The following PTPRT variants were observed in gnomAD, a reference collection of about 807,000 sequenced individuals.
PTPRT encodes receptor-type tyrosine-protein phosphatase T.
A neutral mutation model predicts 176.8 loss-of-function variants in PTPRT; 56 were observed. The observed-to-expected ratio is 0.32, with a 90% CI of 0.26 to 0.40. The LOEUF (loss-of-function observed/expected upper bound fraction) is 0.40. Ranked by LOEUF, PTPRT falls within the 10% of genes least tolerant of loss-of-function variation. The pLI, the probability that PTPRT is intolerant of heterozygous loss-of-function variation, is 1.00. For synonymous variants in PTPRT, 783 were observed against 739.0 expected, an observed-to-expected ratio of 1.06 and a Z score of -0.96; for missense variants, 1,540 against 1,908.2, an observed-to-expected ratio of 0.81 and a Z score of 3.60.
At chr20:43,081,124 G>A (rs1326600271) in intron 1 of PTPRT, among the ~76,000 whole-genome samples, 1 of 152,214 alleles carries the variant, frequency 6.6e-6, no homozygotes, top group South Asian at 2.1e-4. Flanking sequence ...TTTTGATACT[G>A]AGGATATAAA....
chr20:43,150,982 A>G (rs758506571), intron 1 of PTPRT, among the ~76,000 whole-genome samples: 1 of 152,312 alleles, frequency 6.6e-6, no homozygotes, highest in Middle Eastern at 3.4e-3. Context: ...AAGAATATGT[A>G]TCTAATCTTA....
chr20:42,047,793 A>G, the PTPRT span, among the ~76,000 whole-genome samples: 5 of 152,150 alleles, frequency 3.3e-5, no homozygotes, highest in Admixed American at 2.6e-4. Context: ...CCATAAACCC[A>G]TGGCTATTAC....
intron 1 of PTPRT, among the ~76,000 whole-genome samples, chr20:43,111,261 T>C (rs919499550): frequency 1.3e-5 from 2 of 152,008 alleles, no homozygotes; most frequent in Non-Finnish European, 1.5e-5. Context: ...TCACATAGGC[T>C]GGGCACAGTG....
In PTPRT at chr20:42,916,537, C is replaced by T. The variant is rs145889257; in HGVS notation, c.89-30605G>A. ...TAGTTCTAGATCCCTGAGGAATCGC[C>T]ACACTGACTTCCACAATGGTTAAAC... is the stretch of plus-strand genomic sequence containing the variant. On this transcript the variant is annotated intron_variant, in intron 1 of 30. Transcript: ENST00000373187. 5.2e-3 allele frequency among the ~76,000 whole-genome samples: 799 copies of T among 152,320 alleles called. 9 individuals are homozygous for T. The highest frequency in any genetic ancestry group is 0.018 in the African/African-American group (754 of 41,556).
At chr20:42,039,131 G>A in the PTPRT span, among the ~76,000 whole-genome samples, 1 of 152,050 alleles carries the variant, frequency 6.6e-6, no homozygotes. Flanking sequence ...GTTTCAGGGA[G>A]ACTACTTGTG....
intron 1 of PTPRT, among the ~76,000 whole-genome samples, chr20:43,083,325 T>TATATATATATAC (rs2011495787): frequency 9.9e-5 from 2 of 20,136 alleles, no homozygotes; most frequent in South Asian, 1.8e-3. Context: ...CAAATGTATA[T>TATATATATATAC]ATATATATAT....
In PTPRT at chr20:42,659,391, C is replaced by A. The variant is rs140628180; in HGVS notation, c.1153+18475G>T. 3.3e-5 allele frequency among the ~76,000 whole-genome samples: 5 copies of A among 152,346 alleles called. No individual in the cohort carries two copies. In the East Asian group the frequency reaches 9.6e-4, roughly 29 times the overall value. On this transcript the variant is annotated intron_variant, in intron 7 of 30. Coordinates refer to ENST00000373187, the MANE Select transcript of PTPRT (RefSeq NM_007050.6). ...TATTACAGGCATCCCACTGCACACT[C>A]AGTCTGAACCCTAAACTCCCATAAT...
chr20:42,981,784 T>G lies in PTPRT; in HGVS notation c.89-95852A>C, dbSNP rs559924715. ...TATAAGCCACTAAGTTGTGAGATCATTTGTTACACAGCAAAAACTGACACT... is the reference window on the plus strand; with the variant it reads ...TATAAGCCACTAAGTTGTGAGATCAGTTGTTACACAGCAAAAACTGACACT... On this transcript the variant is annotated intron_variant, in intron 1 of 30. Coordinates refer to ENST00000373187, the MANE Select transcript of PTPRT (RefSeq NM_007050.6). 3.1e-3 allele frequency among the ~76,000 whole-genome samples: 474 copies of G among 152,350 alleles called. 4 individuals carry two copies. Among genetic ancestry groups the G allele is most frequent in the African/African-American group, 0.011 (453 of 41,570 alleles).
In PTPRT at chr20:42,085,367, A is replaced by G. The variant is rs117965652; in HGVS notation, c.3972+361T>C. ...TCATGGAAGTAAGTAATCACTTTTCATCTAGGTGTTGGCAGTGCCTGGCCC... is the reference window on the plus strand; with the variant it reads ...TCATGGAAGTAAGTAATCACTTTTCGTCTAGGTGTTGGCAGTGCCTGGCCC... On this transcript the variant is annotated intron_variant, in intron 28 of 30. Transcript: ENST00000373187. 4.7e-3 allele frequency among the ~76,000 whole-genome samples: 722 copies of G among 152,284 alleles called. 2 individuals are homozygous for G. Among genetic ancestry groups the G allele is most frequent in the South Asian group, 0.018 (86 of 4,824 alleles).
chr20:42,271,174 T>C (rs949422564), intron 13 of PTPRT, among the ~76,000 whole-genome samples: 5 of 152,134 alleles, frequency 3.3e-5, no homozygotes, highest in Non-Finnish European at 7.4e-5. Flanking sequence ...CCCACCCCTC[T>C]GGTCTTGTCT....
At chr20:42,312,912 C>G (rs1282038885) in intron 12 of PTPRT, among the ~76,000 whole-genome samples, 1 of 149,446 alleles carries the variant, frequency 6.7e-6, no homozygotes, top group East Asian at 2.0e-4. Context: ...TGAACCTGAG[C>G]AACTCCATCT....
intron 15 of PTPRT, among the ~76,000 whole-genome samples, chr20:42,200,957 A>G (rs1250388903): frequency 6.6e-6 from 1 of 152,252 alleles, no homozygotes; most frequent in Non-Finnish European, 1.5e-5. Flanking sequence ...CCCACTGATC[A>G]TGAAACAGAT....
intron 1 of PTPRT, among the ~76,000 whole-genome samples, chr20:42,911,488 T>C (rs1978375213): frequency 6.6e-6 from 1 of 152,192 alleles, no homozygotes; most frequent in Non-Finnish European, 1.5e-5. Context: ...ATACTCCAAA[T>C]GCCTACTGGC....
At chr20:42,981,781 T>A (rs1600619223) in intron 1 of PTPRT, among the ~76,000 whole-genome samples, 1 of 152,206 alleles carries the variant, frequency 6.6e-6, no homozygotes, top group Non-Finnish European at 1.5e-5. Flanking sequence ...AGTTGTGAGA[T>A]CATTTGTTAC....
At chr20:42,461,803 A>C (rs2071024162) in intron 8 of PTPRT, among the ~76,000 whole-genome samples, 1 of 152,086 alleles carries the variant, frequency 6.6e-6, no homozygotes, top group Non-Finnish European at 1.5e-5. Context: ...TCAAGAACAA[A>C]TAGAAAGAAT....
chr20:42,562,882 A>G, intron 7 of PTPRT, among the ~76,000 whole-genome samples: 1 of 152,220 alleles, frequency 6.6e-6, no homozygotes, highest in East Asian at 1.9e-4. Context: ...AATTAAAGTC[A>G]GATGATTACA....
chr20:42,260,895 A>G (rs2146962961), intron 13 of PTPRT, among the ~76,000 whole-genome samples: 1 of 152,228 alleles, frequency 6.6e-6, no homozygotes, highest in East Asian at 1.9e-4. Flanking sequence ...CTCACTGGGG[A>G]GATGGGGTGA....
intron 9 of PTPRT, among the ~76,000 whole-genome samples, chr20:42,432,952 C>T (rs1025948388): frequency 1.3e-5 from 2 of 152,160 alleles, no homozygotes; most frequent in Admixed American, 6.5e-5. Flanking sequence ...TTTCCCAGGC[C>T]ATGATCACTC....
In PTPRT at chr20:42,911,507, A is replaced by C. The variant is rs76401819; in HGVS notation, c.89-25575T>G. Reference sequence around the variant, plus strand: ...TCCAAATGCCTACTGGCACCAGTGCATTTGACAGCATTGCATTTTTTGGTG... The same window carrying C: ...TCCAAATGCCTACTGGCACCAGTGCCTTTGACAGCATTGCATTTTTTGGTG... On this transcript the variant is annotated intron_variant, in intron 1 of 30. Coordinates refer to ENST00000373187, the MANE Select transcript of PTPRT (RefSeq NM_007050.6). Among the ~76,000 whole-genome samples, 47 of 152,300 alleles carry C rather than the reference A, an allele frequency of 3.1e-4. 1 individual carries two copies. In the East Asian group the frequency reaches 9.1e-3, roughly 29 times the overall value.
Sources: allele counts gnomAD v4.1 joint callset (sites outside exome capture counted in the v4.1 genomes callset), GRCh38; gene constraint gnomAD v4.1.1; transcripts MANE v1.5; gene names NCBI Gene and HGNC (gene_info 2026-07-23, HGNC 2026-07-21).